LRRFIP1: variants seen among roughly 807,000 people sequenced by gnomAD.
The protein encoded by LRRFIP1 is leucine-rich repeat flightless-interacting protein 1.
In LRRFIP1, 62 loss-of-function variants were observed where a neutral mutation model predicts 104.4. The observed-to-expected ratio is 0.59, with a 90% confidence interval of 0.48 to 0.73. The LOEUF is 0.73. Ranked by LOEUF, LRRFIP1 falls within the 30% of genes least tolerant of loss-of-function variation. The pLI is 0.00. For synonymous variants in LRRFIP1, 300 were observed against 299.0 expected, an observed-to-expected ratio of 1.00 and a Z score of -0.03; for missense variants, 796 against 824.5, an observed-to-expected ratio of 0.97 and a Z score of 0.42.
rs749664854 is a variant in LRRFIP1 at position 237,756,191 on chromosome 2, G to A, written c.1131+4G>A. 1.2e-6 allele frequency: 2 copies of A among 1,607,948 alleles called. No homozygotes were observed. Among genetic ancestry groups the A allele is most frequent in the Middle Eastern group, 1.7e-4 (1 of 6,040 alleles). On this transcript the variant is annotated splice_donor_region_variant and intron_variant, in intron 16 of 23. Coordinates refer to ENST00000308482, the MANE Select transcript of LRRFIP1 (RefSeq NM_001137550.2). ...GCAAAGAGAGGAAATGCTCGAGGTA[G>A]GTAGCATTCTCCTGCTTTTCTTTTC...
chr2:237,649,790 C>T lies in LRRFIP1; in HGVS notation c.96+22050C>T, dbSNP rs1375828965. Among the ~76,000 whole-genome samples, 4 of 151,938 alleles carry T rather than the reference C, an allele frequency of 2.6e-5. No homozygotes were observed. Among genetic ancestry groups the T allele is most frequent in the African/African-American group, 9.7e-5 (4 of 41,414 alleles). ...GCCTCACCAGTCCTTGGTCATGCCA[C>T]CCGGGCTGAGTTCATTTACCTGCTC... On this transcript the variant is annotated intron_variant, in intron 1 of 23. Transcript: ENST00000308482. The surrounding 1 kb of genome is among the most constrained non-coding windows in gnomAD (Gnocchi z 4.1).
chr2:237,648,597 C>T (rs1430452303), intron 1 of LRRFIP1, among the ~76,000 whole-genome samples: 1 of 151,722 alleles, frequency 6.6e-6, no homozygotes, highest in African/African-American at 2.4e-5. Context: ...GCAGTTCACG[C>T]AGTTCAGGTA....
intron 9 of LRRFIP1, among the ~76,000 whole-genome samples, chr2:237,734,235 G>T (rs1335198666): frequency 7.3e-6 from 1 of 136,628 alleles, no homozygotes; most frequent in Non-Finnish European, 1.5e-5. Context: ...GAAACGTAAA[G>T]TAAATACTCA....
At chr2:237,729,215 T>C (rs1474462457) in intron 8 of LRRFIP1, among the ~76,000 whole-genome samples, 1 of 152,196 alleles carries the variant, frequency 6.6e-6, no homozygotes, top group East Asian at 1.9e-4. Flanking sequence ...GCATGAGCCA[T>C]GGCACCCGGC....
At chr2:237,674,872 G>A (rs187960901) in intron 1 of LRRFIP1, among the ~76,000 whole-genome samples, 8 of 152,376 alleles carry the variant, frequency 5.3e-5, no homozygotes, top group African/African-American at 1.4e-4. Flanking sequence ...GTGCACGCAC[G>A]TGCTGGCTGT....
At chr2:237,680,055 T>C (rs2091634410) in intron 1 of LRRFIP1, among the ~76,000 whole-genome samples, 1 of 152,226 alleles carries the variant, frequency 6.6e-6, no homozygotes, top group South Asian at 2.1e-4. Flanking sequence ...ACCTTGTCTC[T>C]GAACAAGAAA....
chr2:237,642,251 C>G (rs941756081), intron 1 of LRRFIP1, among the ~76,000 whole-genome samples: 3 of 152,244 alleles, frequency 2.0e-5, no homozygotes, highest in African/African-American at 7.2e-5. Context: ...TGTCTGCCAC[C>G]TGTGCTCAAA....
chr2:237,666,960 T>TC (rs778122360), intron 1 of LRRFIP1, among the ~76,000 whole-genome samples: 36 of 150,980 alleles, frequency 2.4e-4, no homozygotes, highest in Non-Finnish European at 4.7e-4. Context: ...CTTTCTTTCT[T>TC]TCTTTCTTGT....
Position 237,714,284 on chromosome 2 carries a change from C to T in LRRFIP1, c.201+8C>T, listed in dbSNP as rs927825415. The T allele has an allele frequency of 3.1e-6, 5 of 1,598,364 alleles. No homozygotes were observed. Among genetic ancestry groups the T allele is most frequent in the Non-Finnish European group, 4.3e-6 (5 of 1,169,380 alleles). ...ATCTATCAGGTCCAAAAGGTAGGCT[C>T]TTCTTTCTTTATTTTCTAACTTGCA... On this transcript the variant is annotated splice_region_variant and intron_variant, in intron 3 of 23. Coordinates refer to ENST00000308482, the MANE Select transcript of LRRFIP1 (RefSeq NM_001137550.2).
intron 2 of LRRFIP1, among the ~76,000 whole-genome samples, chr2:237,712,326 G>A (rs1478036047): frequency 6.6e-6 from 1 of 152,192 alleles, no homozygotes; most frequent in Non-Finnish European, 1.5e-5. Context: ...AGTGGAGGAG[G>A]GAGTGAATCC....
chr2:237,730,945 CAAAT>C (rs2094976974), intron 8 of LRRFIP1, among the ~76,000 whole-genome samples: 2 of 145,762 alleles, frequency 1.4e-5, no homozygotes, highest in South Asian at 2.2e-4. Context: ...AACAAACAAA[CAAAT>C]AGAACAAATG....
Position 237,781,581 on chromosome 2 carries a change from G to A in LRRFIP1, c.*2049G>A, listed in dbSNP as rs941641752. ...AATGTTACACACACTTCCTAATCCAGAGGAAGCTAGAACACGATTTTTAAA... is the reference window on the plus strand; with the variant it reads ...AATGTTACACACACTTCCTAATCCAAAGGAAGCTAGAACACGATTTTTAAA... On this transcript the variant is annotated 3_prime_UTR_variant, in exon 24 of 24. Transcript: ENST00000308482. 2.6e-5 allele frequency among the ~76,000 whole-genome samples: 4 copies of A among 152,216 alleles called. No homozygotes were observed. The highest frequency in any genetic ancestry group is 6.5e-5 in the Admixed American group (1 of 15,286).
chr2:237,707,358 A>C (rs1171714867), intron 1 of LRRFIP1, among the ~76,000 whole-genome samples: 1 of 150,756 alleles, frequency 6.6e-6, no homozygotes, highest in Admixed American at 6.7e-5. Flanking sequence ...GCTAGAGCTC[A>C]GGAGTTCCTG....
Position 237,703,119 on chromosome 2 carries a change from C to A in LRRFIP1, c.97-5425C>A, listed in dbSNP as rs1216257623. Among the ~76,000 whole-genome samples, 1 of 152,192 alleles carries A rather than the reference C, an allele frequency of 6.6e-6. No individual in the cohort carries two copies. The highest frequency in any genetic ancestry group is 6.5e-5 in the Admixed American group (1 of 15,276). On this transcript the variant is annotated intron_variant, in intron 1 of 23. Coordinates refer to ENST00000308482, the MANE Select transcript of LRRFIP1 (RefSeq NM_001137550.2). The surrounding 1 kb of genome is among the most constrained non-coding windows in gnomAD (Gnocchi z 4.3). ...AGGGCCATGCCAAGAAGCCGCTGTT[C>A]TAATCTAATCAGTGGAGGATCCAGC...
chr2:237,692,128 C>T, intron 1 of LRRFIP1: 1 of 944,422 alleles, frequency 1.1e-6, no homozygotes, highest in Non-Finnish European at 1.3e-6. Flanking sequence ...CCGGGAGGGC[C>T]CCTCCGAGGC....
At position 237,661,196 on chromosome 2, in the gene LRRFIP1, G is replaced by A. The variant is rs6754644; in HGVS notation, c.96+33456G>A. 0.13 allele frequency among the ~76,000 whole-genome samples: 20,447 copies of A among 152,218 alleles called. 1,874 individuals are homozygous for A. Among genetic ancestry groups the A allele is most frequent in the Non-Finnish European group, 0.21 (14,351 of 67,978 alleles). ...GCAGGGAGACCCTGGGGGATCCTGGGCAGAAGCCCCTGAAGTGATTGAGCT... is the reference window on the plus strand; with the variant it reads ...GCAGGGAGACCCTGGGGGATCCTGGACAGAAGCCCCTGAAGTGATTGAGCT... On this transcript the variant is annotated intron_variant, in intron 1 of 23. Transcript: ENST00000308482. This position sits in a 1 kb window ranked among gnomAD's most constrained non-coding sequence, Gnocchi z 4.4.
chr2:237,646,274 C>T (rs2084903634), intron 1 of LRRFIP1, among the ~76,000 whole-genome samples: 1 of 151,592 alleles, frequency 6.6e-6, no homozygotes, highest in Admixed American at 6.6e-5. Flanking sequence ...ATTTTAAGTT[C>T]AGGCATACAT....
intron 1 of LRRFIP1, among the ~76,000 whole-genome samples, chr2:237,665,599 A>G (rs1045592706): frequency 3.3e-5 from 5 of 152,268 alleles, no homozygotes; most frequent in African/African-American, 1.2e-4. Flanking sequence ...CAAAAATAAA[A>G]TGAATTTATG....
intron 4 of LRRFIP1, 126 bp from the exon 5 acceptor site, chr2:237,719,397 A>T (rs2094458032): frequency 1.6e-6 from 1 of 622,358 alleles, no homozygotes; most frequent in African/African-American, 1.9e-5. Context: ...GGCAAAGAAA[A>T]TATTTATGTG....
Sources: allele counts gnomAD v4.1 joint callset (sites outside exome capture counted in the v4.1 genomes callset), GRCh38; gene constraint gnomAD v4.1.1; non-coding constraint Gnocchi (gnomAD v3.1); transcripts MANE v1.5; gene names NCBI Gene and HGNC (gene_info 2026-07-23, HGNC 2026-07-21).